Variants in PRTG observed in about 807,000 individuals in gnomAD.
The protein encoded by PRTG is protogenin.
In PRTG, 67 loss-of-function variants were observed where a neutral mutation model predicts 122.5. That is an observed-to-expected ratio of 0.55 (90% CI 0.45 to 0.67). PRTG has a LOEUF of 0.67. Ranked by LOEUF, PRTG falls within the 30% of genes least tolerant of loss-of-function variation. The probability of loss-of-function intolerance (pLI) is 0.00; values close to 1 mark genes in which losing one functional copy is unlikely to be tolerated. For synonymous variants in PRTG, 554 were observed against 501.1 expected, an observed-to-expected ratio of 1.11 and a Z score of -1.41; for missense variants, 1,435 against 1,415.4, an observed-to-expected ratio of 1.01 and a Z score of -0.22.
At chr15:55,620,826 C>A in intron 18 of PRTG, 59 bp from the exon 19 acceptor site, 1 of 1,389,880 alleles carries the variant, frequency 7.2e-7, no homozygotes. Context: ...TTCACTTTAT[C>A]ACAAGTAGTG....
chr15:55,709,449 G>A (rs181611728), intron 2 of PRTG, among the ~76,000 whole-genome samples: 1 of 150,340 alleles, frequency 6.7e-6, no homozygotes, highest in Admixed American at 6.6e-5. Flanking sequence ...CAACTACTTT[G>A]GAAACAGTTT....
chr15:55,742,905 G>C lies in PRTG; in HGVS notation c.27C>G (p.Ala9=). The change falls in exon 1 of 20, where the codon GCC becomes GCG. Residue 9 remains alanine, a synonymous_variant. Coordinates refer to ENST00000389286, the MANE Select transcript of PRTG (RefSeq NM_173814.6). Reference sequence around the variant, plus strand: ...GCAGCATCCCCGGCGGTCGCAGCCGGGCGAGGGGTCGCAGAGGAGGCGCCA... The same window carrying C: ...GCAGCATCCCCGGCGGTCGCAGCCGCGCGAGGGGTCGCAGAGGAGGCGCCA... The part of the protein sequence containing the change: MAPPLRPL[A]RLRPPGMLLR... 1 of 1,529,012 alleles carries C rather than the reference G, an allele frequency of 6.5e-7. No homozygotes were observed. Among genetic ancestry groups the C allele is most frequent in the East Asian group, 2.6e-5 (1 of 37,776 alleles). The allele number at this position is 1,529,012 out of a possible 1,614,324, so 94.7% of individuals were successfully genotyped here. A position where few individuals can be genotyped will look rare whatever the true frequency, so the allele number is the denominator to read the frequency against.
At chr15:55,649,389 C>G (rs2059341402) in intron 11 of PRTG, among the ~76,000 whole-genome samples, 1 of 148,366 alleles carries the variant, frequency 6.7e-6, no homozygotes, top group Admixed American at 6.9e-5. Context: ...TAACAGCATC[C>G]ATCTCATGAG....
Position 55,638,694 on chromosome 15 carries a change from G to C in PRTG, c.2325-18C>G. ...TTTCTGATCTATAATAACGAGTGATGAAGTTGTTAATGCTGGTAGTATAAT... is the reference window on the plus strand; with the variant it reads ...TTTCTGATCTATAATAACGAGTGATCAAGTTGTTAATGCTGGTAGTATAAT... On this transcript the variant is annotated intron_variant, in intron 13 of 19. Coordinates refer to ENST00000389286, the MANE Select transcript of PRTG (RefSeq NM_173814.6). 1.2e-6 allele frequency: 2 copies of C among 1,606,632 alleles called. No individual in the cohort carries two copies. The highest frequency in any genetic ancestry group is 1.7e-6 in the Non-Finnish European group (2 of 1,175,526).
rs927412023 is a variant in PRTG, at chr15:55,614,146, A to T, written c.*5866T>A. ...AAATGCTGAAAATTGGGGTGGAATT[A>T]GACATTATGTTTTAAAGTTCAAAGA... On this transcript the variant is annotated 3_prime_UTR_variant, in exon 20 of 20. Transcript: ENST00000389286. 1 of 152,124 alleles carries T rather than the reference A, an allele frequency of 6.6e-6. No homozygotes were observed. Among genetic ancestry groups the T allele is most frequent in the Non-Finnish European group, 1.5e-5 (1 of 67,988 alleles). The allele number at this position is 152,124 out of a possible 1,614,324, so 9.4% of individuals were successfully genotyped here.
At chr15:55,638,882 A>C (rs1201080839) in intron 13 of PRTG, among the ~76,000 whole-genome samples, 1 of 152,220 alleles carries the variant, frequency 6.6e-6, no homozygotes, top group Non-Finnish European at 1.5e-5. Flanking sequence ...TAAGCCTACT[A>C]GTTGCCTCTC....
chr15:55,667,559 A>G (rs1218088375), intron 11 of PRTG, among the ~76,000 whole-genome samples: 1 of 152,192 alleles, frequency 6.6e-6, no homozygotes, highest in East Asian at 1.9e-4. Flanking sequence ...TGAAGTTTCA[A>G]CATATTTTGG....
At chr15:55,665,182 C>CCAGGGAGGTGGAGCTTG (rs2059432157) in intron 11 of PRTG, among the ~76,000 whole-genome samples, 1 of 152,004 alleles carries the variant, frequency 6.6e-6, no homozygotes, top group African/African-American at 2.4e-5. Context: ...ATGGTGTGAA[C>CCAGGGAGGTGGAGCTTG]CAGGGAGGTG....
chr15:55,686,553 A>G (rs2059571667), intron 2 of PRTG, among the ~76,000 whole-genome samples: 1 of 152,050 alleles, frequency 6.6e-6, no homozygotes, highest in Non-Finnish European at 1.5e-5. Flanking sequence ...CATCCCTAAC[A>G]GTCCTCTGTT....
chr15:55,666,403 G>A (rs2059439639), intron 11 of PRTG, among the ~76,000 whole-genome samples: 1 of 152,158 alleles, frequency 6.6e-6, no homozygotes, highest in Non-Finnish European at 1.5e-5. Flanking sequence ...TACATTTTGG[G>A]AAGACACAAA....
chr15:55,721,492 A>T (rs894118104), intron 2 of PRTG, among the ~76,000 whole-genome samples: 5 of 152,248 alleles, frequency 3.3e-5, no homozygotes, highest in Non-Finnish European at 7.3e-5. Flanking sequence ...TTCTCCAACA[A>T]CATCAAATAG....
At chr15:55,648,908 C>A (rs975693016) in intron 11 of PRTG, among the ~76,000 whole-genome samples, 1 of 151,740 alleles carries the variant, frequency 6.6e-6, no homozygotes, top group Middle Eastern at 3.4e-3. Flanking sequence ...ACCAGCCTGG[C>A]CAATATGGTG....
intron 2 of PRTG, among the ~76,000 whole-genome samples, chr15:55,695,751 G>C (rs561640463): frequency 1.1e-3 from 163 of 152,320 alleles, no homozygotes; most frequent in African/African-American, 3.8e-3. Flanking sequence ...GGACGAGACA[G>C]GCAGATCACT....
chr15:55,739,983 G>A (rs1482616835), intron 2 of PRTG, among the ~76,000 whole-genome samples: 1 of 152,214 alleles, frequency 6.6e-6, no homozygotes, highest in Non-Finnish European at 1.5e-5. Context: ...TAGCACTCAA[G>A]AACCATCTGC....
Position 55,680,589 on chromosome 15 carries a change from G to A in PRTG, c.716C>T (p.Ala239Val). 1 of 1,575,762 alleles carries A rather than the reference G, an allele frequency of 6.3e-7. No individual in the cohort carries two copies. The highest frequency in any genetic ancestry group is 8.6e-7 in the Non-Finnish European group (1 of 1,158,980). The stretch of plus-strand genomic sequence containing the variant: ...AGATGTTGTTATGTTCTGTGGACCT[G>A]CTATAATTGTTGGTGTGTGGAAGGA... ...SKSFHTPTII[A>V]GPQNITTSLH... is the part of the protein sequence containing the mutation. The change falls in exon 5 of 20, where the codon GCA becomes GTA. Residue 239 changes from alanine (A) to valine (V), a missense_variant. Transcript: ENST00000389286.
At chr15:55,663,827 C>G (rs2059423224) in intron 11 of PRTG, among the ~76,000 whole-genome samples, 1 of 152,166 alleles carries the variant, frequency 6.6e-6, no homozygotes, top group Non-Finnish European at 1.5e-5. Flanking sequence ...CAGGCGTGAG[C>G]TACTGCACCT....
intron 2 of PRTG, among the ~76,000 whole-genome samples, chr15:55,705,039 T>C (rs1182850756): frequency 6.6e-6 from 1 of 152,208 alleles, no homozygotes; most frequent in Non-Finnish European, 1.5e-5. Context: ...ACTGGTTTAA[T>C]ACTCTGAAAA....
intron 11 of PRTG, among the ~76,000 whole-genome samples, chr15:55,664,572 A>T (rs1327598867): frequency 6.6e-6 from 1 of 152,158 alleles, no homozygotes; most frequent in East Asian, 1.9e-4. Context: ...TTCTAATCTA[A>T]ATTTAGAAAT....
intron 7 of PRTG, 56 bp from the exon 8 acceptor site, chr15:55,678,100 A>G: frequency 8.6e-7 from 1 of 1,160,086 alleles, no homozygotes. Flanking sequence ...AATTCAAAAT[A>G]AAGTTTAGCT....
Sources: allele counts gnomAD v4.1 joint callset (sites outside exome capture counted in the v4.1 genomes callset), GRCh38; gene constraint gnomAD v4.1.1; transcripts MANE v1.5; gene names NCBI Gene and HGNC (gene_info 2026-07-23, HGNC 2026-07-21).